The following MPPED2 variants were observed in gnomAD, a reference collection of about 807,000 sequenced individuals.
The protein encoded by MPPED2 is metallophosphoesterase domain containing 2, also known as metallophosphoesterase MPPED2.
In MPPED2, 5 loss-of-function variants were observed where a neutral mutation model predicts 33.0. The observed-to-expected ratio is 0.15, with a 90% CI of 0.08 to 0.32. The LOEUF is 0.32. Among genes scored for constraint, MPPED2 ranks in the 10% least tolerant of loss-of-function variants. The pLI, the probability that MPPED2 is intolerant of heterozygous loss-of-function variation, is 1.00. For missense variants in MPPED2, 275 were observed against 372.1 expected (o/e 0.74, Z 2.15); for synonymous variants, 136 against 141.9 (o/e 0.96, Z 0.29).
chr11:30,415,575 C>G (rs1443942957), intron 5 of MPPED2, among the ~76,000 whole-genome samples: 2 of 152,162 alleles, frequency 1.3e-5, no homozygotes, highest in Non-Finnish European at 2.9e-5. Flanking sequence ...ATCCCAATAG[C>G]TATATTAACT....
At chr11:30,475,845 G>T (rs181758813) in intron 4 of MPPED2, among the ~76,000 whole-genome samples, 8 of 152,162 alleles carry the variant, frequency 5.3e-5, no homozygotes, top group Admixed American at 2.0e-4. Flanking sequence ...TTTCCAAAGA[G>T]GGTGTTCCAT....
chr11:30,542,642 A>AAAAAT (rs1229072873), intron 2 of MPPED2, among the ~76,000 whole-genome samples: 1 of 152,032 alleles, frequency 6.6e-6, no homozygotes, highest in Non-Finnish European at 1.5e-5. Context: ...AAATAAAAAT[A>AAAAAT]AAAATAAAAT....
chr11:30,470,678 T>A (rs1332465205), intron 4 of MPPED2, among the ~76,000 whole-genome samples: 1 of 152,162 alleles, frequency 6.6e-6, no homozygotes, highest in African/African-American at 2.4e-5. Context: ...AAATCATCTG[T>A]GCCCTGAGCT....
Position 30,440,158 on chromosome 11 carries a change from C to T in MPPED2, c.537-22525G>A, listed in dbSNP as rs184481827. Among the ~76,000 whole-genome samples the T allele has an allele frequency of 1.8e-4, 28 of 152,070 alleles. No homozygotes were observed. The East Asian group carries it at 2.1e-3, about 12-fold the overall frequency. ...CAGCCTGGCCAACATGGTGAAACCC[C>T]GTCTCTACTAAAAATACAAAAACTA... On this transcript the variant is annotated intron_variant, in intron 4 of 6. Coordinates refer to ENST00000358117, the MANE Select transcript of MPPED2 (RefSeq NM_001584.3).
At chr11:30,532,012 A>T (rs1235743735) in intron 3 of MPPED2, among the ~76,000 whole-genome samples, 2 of 152,242 alleles carry the variant, frequency 1.3e-5, no homozygotes, top group Non-Finnish European at 2.9e-5. Context: ...TCCTGAGGTC[A>T]CTGCTGAACT....
chr11:30,535,005 A>G (rs1368622653), intron 3 of MPPED2, among the ~76,000 whole-genome samples: 1 of 152,236 alleles, frequency 6.6e-6, no homozygotes, highest in East Asian at 1.9e-4. Flanking sequence ...TCAGATGTCA[A>G]CCATACAAAA....
At chr11:30,530,514 T>C (rs1954462631) in intron 3 of MPPED2, among the ~76,000 whole-genome samples, 1 of 152,168 alleles carries the variant, frequency 6.6e-6, no homozygotes, top group Admixed American at 6.5e-5. Flanking sequence ...TTAAGGAAAG[T>C]AGCTTACTGT....
intron 2 of MPPED2, among the ~76,000 whole-genome samples, chr11:30,547,433 T>C (rs1399426359): frequency 6.6e-6 from 1 of 152,238 alleles, no homozygotes; most frequent in Non-Finnish European, 1.5e-5. Flanking sequence ...ACCTTTAATC[T>C]TCTCAAAATC....
intron 4 of MPPED2, among the ~76,000 whole-genome samples, chr11:30,445,316 G>A (rs773687962): frequency 8.5e-5 from 13 of 152,188 alleles, no homozygotes; most frequent in Admixed American, 2.0e-4. Context: ...GAAGACCTTC[G>A]ACTAATACAA....
At chr11:30,531,717 A>G (rs573281653) in intron 3 of MPPED2, among the ~76,000 whole-genome samples, 2 of 152,318 alleles carry the variant, frequency 1.3e-5, no homozygotes, top group South Asian at 2.1e-4. Context: ...AACTCACCAA[A>G]GTTGTCTACA....
At chr11:30,440,990 A>C (rs1246618157) in intron 4 of MPPED2, among the ~76,000 whole-genome samples, 1 of 152,220 alleles carries the variant, frequency 6.6e-6, no homozygotes, top group Non-Finnish European at 1.5e-5. Context: ...AGGACTTCTC[A>C]GAGCCTTTAG....
In MPPED2 at chr11:30,446,904, C is replaced by T. The variant is rs78185550; in HGVS notation, c.537-29271G>A. ...TTATAATGGAAATGTGGACATTTAA[C>T]TCAAGTGCTCTTTTGTAATGGTTTT... On this transcript the variant is annotated intron_variant, in intron 4 of 6. Transcript: ENST00000358117. Among the ~76,000 whole-genome samples, 488 of 152,296 alleles carry T rather than the reference C, an allele frequency of 3.2e-3. 6 individuals carry two copies. Among genetic ancestry groups the T allele is most frequent in the African/African-American group, 0.011 (466 of 41,560 alleles).
At chr11:30,420,137 A>G (rs906311963) in intron 4 of MPPED2, among the ~76,000 whole-genome samples, 33 of 152,202 alleles carry the variant, frequency 2.2e-4, no homozygotes, top group African/African-American at 8.0e-4. Context: ...AATTCAGATG[A>G]CCTGAAAATA....
intron 4 of MPPED2, among the ~76,000 whole-genome samples, chr11:30,488,661 A>G (rs915293268): frequency 4.6e-5 from 7 of 152,224 alleles, no homozygotes; most frequent in African/African-American, 1.7e-4. Context: ...CCAGAAGTGA[A>G]TCTGATCCGG....
chr11:30,525,700 T>A (rs780855976), intron 3 of MPPED2, among the ~76,000 whole-genome samples: 1 of 152,158 alleles, frequency 6.6e-6, no homozygotes, highest in Non-Finnish European at 1.5e-5. Context: ...CACCCATCCA[T>A]CAGTAAGACA....
At chr11:30,484,203 G>A (rs1189666545) in intron 4 of MPPED2, among the ~76,000 whole-genome samples, 1 of 151,768 alleles carries the variant, frequency 6.6e-6, no homozygotes, top group Non-Finnish European at 1.5e-5. Flanking sequence ...AAATATCACT[G>A]GCACCTTCAG....
intron 6 of MPPED2, among the ~76,000 whole-genome samples, chr11:30,394,791 T>A (rs531947287): frequency 1.3e-5 from 2 of 152,338 alleles, no homozygotes; most frequent in African/African-American, 4.8e-5. Context: ...CTATCAGGTA[T>A]TGTATTATTG....
At position 30,546,754 on chromosome 11, in the gene MPPED2, A is replaced by G. The variant is rs17173950; in HGVS notation, c.129-10579T>C. On this transcript the variant is annotated intron_variant, in intron 2 of 6. Transcript: ENST00000358117. ...CATTTTTTACTACATAGGGGACATC[A>G]TTTATGTGAGTTTGAAGACAAATGC... Among the ~76,000 whole-genome samples, 74 of 152,314 alleles carry G rather than the reference A, an allele frequency of 4.9e-4. No homozygotes were observed. In the East Asian group the frequency reaches 0.012, roughly 25 times the overall value.
intron 6 of MPPED2, among the ~76,000 whole-genome samples, chr11:30,401,449 C>T (rs1379306573): frequency 6.6e-6 from 1 of 152,174 alleles, no homozygotes; most frequent in African/African-American, 2.4e-5. Context: ...ATCTAACTTC[C>T]TTTAAGTGCA....
Sources: gnomAD v4.1 joint callset for allele counts (sites outside exome capture counted in the v4.1 genomes callset) on GRCh38, gnomAD v4.1.1 for gene constraint, MANE v1.5 for transcripts, NCBI Gene and HGNC (gene_info 2026-07-23, HGNC 2026-07-21) for gene names.